Variants in DCHS1 observed in about 807,000 individuals in gnomAD.
The protein encoded by DCHS1 is protocadherin-16.
A neutral mutation model predicts 213.9 loss-of-function variants in DCHS1; 78 were observed. The observed-to-expected ratio is 0.36, with a 90% CI of 0.30 to 0.44. The LOEUF (loss-of-function observed/expected upper bound fraction) is 0.44, where lower values mean the gene tolerates loss of function less well. Ranked by LOEUF, DCHS1 falls within the 20% of genes least tolerant of loss-of-function variation. The probability of loss-of-function intolerance (pLI) is 1.00; values close to 1 mark genes in which losing one functional copy is unlikely to be tolerated. For synonymous variants in DCHS1, 1,828 were observed against 1,873.7 expected (o/e 0.98, Z 0.63); for missense variants, 3,946 against 4,395.9 (o/e 0.90, Z 2.89).
At position 6,624,868 on chromosome 11, in the gene DCHS1, C is replaced by A. The variant is rs749959353; in HGVS notation, c.7147G>T (p.Val2383Leu). Reference sequence around the variant, plus strand: ...GGGGGTGTGTGCTCAAGCAGCATTACCTGAAGTGTGAGGAAAAGTGCTTAT... The same window carrying A: ...GGGGGTGTGTGCTCAAGCAGCATTAACTGAAGTGTGAGGAAAAGTGCTTAT... ...APAFSQSLYQ[V>L]MLLEHTPPGS... The change falls in exon 20 of 21, where the codon GTA (valine) becomes TTA (leucine). Residue 2383 changes from valine (V) to leucine (L), a missense_variant and splice_region_variant. Coordinates refer to ENST00000299441, the MANE Select transcript of DCHS1 (RefSeq NM_003737.4). 1.2e-6 allele frequency: 2 copies of A among 1,613,758 alleles called. No individual in the cohort carries two copies. The highest frequency in any genetic ancestry group is 8.5e-7 in the Non-Finnish European group (1 of 1,179,818).
chr11:6,630,463 G>C lies in DCHS1; in HGVS notation c.4331C>G (p.Ala1444Gly). The C allele has an allele frequency of 6.6e-7, 1 of 1,521,318 alleles. No homozygotes were observed. Among genetic ancestry groups the C allele is most frequent in the Non-Finnish European group, 8.8e-7 (1 of 1,140,034 alleles). The allele number at this position is 1,521,318 out of a possible 1,614,324, so 94.2% of individuals were successfully genotyped here. Reference sequence around the variant, plus strand: ...GCCGGGCTCCGGGTTCTCTGGCAGCGCCAGCGCCAGCGGGTCGCGCGCAAA... The same window carrying C: ...GCCGGGCTCCGGGTTCTCTGGCAGCCCCAGCGCCAGCGGGTCGCGCGCAAA... ...PAFARDPLALALPENPEPGAA... is the reference protein window; with the variant it reads ...PAFARDPLALGLPENPEPGAA... The change falls in exon 10 of 21, where the codon GCG (alanine) becomes GGG (glycine). Residue 1444 changes from alanine (A) to glycine (G), a missense_variant. Coordinates refer to ENST00000299441, the MANE Select transcript of DCHS1 (RefSeq NM_003737.4).
At chr11:6,655,281 C>A (rs73397294) in intron 1 of DCHS1, among the ~76,000 whole-genome samples, 239 of 152,184 alleles carry the variant, frequency 1.6e-3, no homozygotes, top group African/African-American at 5.6e-3. Context: ...TGACACACTC[C>A]GACGATGCAC....
chr11:6,623,445 C>T lies in DCHS1; in HGVS notation c.8231G>A (p.Ser2744Asn), dbSNP rs373867079. The change falls in exon 21 of 21, where the codon AGC becomes AAC. Residue 2744 changes from serine (S) to asparagine (N), a missense_variant. Physicochemically the swap from Ser to Asn is conservative, Grantham distance 46. This residue lies in a region of DCHS1 where 3,384 missense variants were observed against 3,780.1 expected (regional missense o/e 0.90). Coordinates refer to ENST00000299441, the MANE Select transcript of DCHS1 (RefSeq NM_003737.4). ...DAGAFGRLRYSLLEAGPGPEG... is the reference protein window; with the variant it reads ...DAGAFGRLRYNLLEAGPGPEG... ...AGGTCCTGGCCCAGCCTCCAACAGG[C>T]TGTAACGGAGCCTCCCAAAAGCCCC... 9 of 1,581,816 alleles carry T rather than the reference C, an allele frequency of 5.7e-6. No homozygotes were observed. Among genetic ancestry groups the T allele is most frequent in the African/African-American group, 4.1e-5 (3 of 74,036 alleles).
chr11:6,625,214 G>A lies in DCHS1; in HGVS notation c.7130C>T (p.Ser2377Leu). The A allele has an allele frequency of 1.3e-6, 2 of 1,597,694 alleles. No individual in the cohort carries two copies. The highest frequency in any genetic ancestry group is 1.7e-6 in the Non-Finnish European group (2 of 1,170,644). ...EDVNDNAPAF[S>L]QSLYQVMLLE... The stretch of plus-strand genomic sequence containing the variant: ...TGTCAATACCTGGTAGAGGCTCTGT[G>A]AGAAGGCAGGTGCATTGTCATTGAC... Residue 2377 changes from serine to leucine, a missense_variant, in exon 19 of 21, where the codon TCA becomes TTA. By Grantham distance (145) the Ser-to-Leu change is moderately radical. Coordinates refer to ENST00000299441, the MANE Select transcript of DCHS1 (RefSeq NM_003737.4). The surrounding 1 kb of genome is among the most constrained non-coding windows in gnomAD (Gnocchi z 5.3).
Position 6,628,471 on chromosome 11 carries a change from C to T in DCHS1, c.5371+150G>A. 2 of 748,108 alleles carry T rather than the reference C, an allele frequency of 2.7e-6. No homozygotes were observed. Among genetic ancestry groups the T allele is most frequent in the South Asian group, 3.5e-5 (2 of 57,332 alleles). 46.3% of individuals were successfully genotyped at this position (748,108 alleles called of 1,614,324 possible). On this transcript the variant is annotated intron_variant, in intron 13 of 20. Coordinates refer to ENST00000299441, the MANE Select transcript of DCHS1 (RefSeq NM_003737.4). The surrounding 1 kb of genome is among the most constrained non-coding windows in gnomAD (Gnocchi z 4.3). ...AAAGAGCATGGAATGAGATACCTAG[C>T]TACACTGGGTATAAGCATGAAAGAA...
At position 6,633,599 on chromosome 11, in the gene DCHS1, C is replaced by T; in HGVS notation, c.2268G>A (p.Val756=). The part of the protein sequence containing the change: ...WPLARRANSV[V]QLEIGAEDGG... ...CGTCCTCAGCCCCGATCTCCAGCTG[C>T]ACCACAGAATTGGCCCGTCTGGCCA... Residue 756 remains valine (V), a synonymous_variant, in exon 5 of 21, where the codon GTG becomes GTA. Transcript: ENST00000299441. The T allele has an allele frequency of 6.3e-7, 1 of 1,598,912 alleles. No homozygotes were observed. The highest frequency in any genetic ancestry group is 1.7e-5 in the Admixed American group (1 of 57,596).
Position 6,630,301 on chromosome 11 carries a change from G to A in DCHS1, c.4493C>T (p.Pro1498Leu), listed in dbSNP as rs1855879869. The A allele has an allele frequency of 6.8e-7, 1 of 1,462,508 alleles. No homozygotes were observed. The highest frequency in any genetic ancestry group is 9.0e-7 in the Non-Finnish European group (1 of 1,112,220). 90.6% of individuals were successfully genotyped at this position (1,462,508 alleles called of 1,614,324 possible). ...LDARTGALSA[P>L]RGLDRETTPA... ...AGTGGTCTCTCGGTCCAGGCCGCGCGGAGCGCTGAGCGCCCCGGTGCGCGC... is the reference window on the plus strand; with the variant it reads ...AGTGGTCTCTCGGTCCAGGCCGCGCAGAGCGCTGAGCGCCCCGGTGCGCGC... The change falls in exon 10 of 21, where the codon CCG becomes CTG. Residue 1498 changes from proline (P) to leucine (L), a missense_variant. Pro to Leu is a moderately conservative substitution (Grantham distance 98). Around this residue, in one of 3 missense-constraint regions of DCHS1, gnomAD observed 3,384 missense variants for 3,780.1 expected, o/e 0.90. Coordinates refer to ENST00000299441, the MANE Select transcript of DCHS1 (RefSeq NM_003737.4).
At position 6,621,373 on chromosome 11, in the gene DCHS1, T is replaced by C; in HGVS notation, c.*406A>G. 1 of 329,754 alleles carries C rather than the reference T, an allele frequency of 3.0e-6. No individual in the cohort carries two copies. Among genetic ancestry groups the C allele is most frequent in the East Asian group, 7.6e-5 (1 of 13,122 alleles). The allele number at this position is 329,754 out of a possible 1,614,324, so 20.4% of individuals were successfully genotyped here. A position where few individuals can be genotyped will look rare whatever the true frequency, so the allele number is the denominator to read the frequency against. ...AAGGCTCCAGAGTGAGAAATGGCACTTGGTTCTGGGCAGGGGCAGGGGCAG... is the reference window on the plus strand; with the variant it reads ...AAGGCTCCAGAGTGAGAAATGGCACCTGGTTCTGGGCAGGGGCAGGGGCAG... On this transcript the variant is annotated 3_prime_UTR_variant, in exon 21 of 21. Coordinates refer to ENST00000299441, the MANE Select transcript of DCHS1 (RefSeq NM_003737.4).
rs1250912489 is a variant in DCHS1, at chr11:6,630,270, C to A, written c.4524G>T (p.Ala1508=). 1 of 1,533,846 alleles carries A rather than the reference C, an allele frequency of 6.5e-7. No individual in the cohort carries two copies. The highest frequency in any genetic ancestry group is 8.7e-7 in the Non-Finnish European group (1 of 1,143,530). ...CGGTGGCTTCCACCAGCAGCAGCAG[C>A]GCGGGAGTGGTCTCTCGGTCCAGGC... ...PRGLDRETTP[A]LLLLVEATDR... The change falls in exon 10 of 21, where the codon GCG becomes GCT. Residue 1508 remains alanine (A), a synonymous_variant. Transcript: ENST00000299441.
intron 1 of DCHS1, among the ~76,000 whole-genome samples, chr11:6,650,013 C>T (rs975411890): frequency 1.3e-5 from 2 of 152,154 alleles, no homozygotes; most frequent in African/African-American, 4.8e-5. Flanking sequence ...ATACTGCTAC[C>T]TCCATTTTCA....
In DCHS1 at chr11:6,643,100, G is replaced by A. The variant is rs558390555; in HGVS notation, c.-120-1367C>T. On this transcript the variant is annotated intron_variant, in intron 1 of 20. Coordinates refer to ENST00000299441, the MANE Select transcript of DCHS1 (RefSeq NM_003737.4). ...TAACCGCTCAGAAAGAAAAAGAGGC[G>A]GGGCAAGGAACCAGAGAGGGGTGGT... Among the ~76,000 whole-genome samples, 27 of 152,202 alleles carry A rather than the reference G, an allele frequency of 1.8e-4. No individual in the cohort carries two copies. The East Asian group carries it at 2.9e-3, about 16-fold the overall frequency.
At chr11:6,653,990 A>C (rs1467205440) in intron 1 of DCHS1, among the ~76,000 whole-genome samples, 1 of 152,120 alleles carries the variant, frequency 6.6e-6, no homozygotes, top group African/African-American at 2.4e-5. Flanking sequence ...CCTGGGAGGG[A>C]GGAAGGTAAC....
chr11:6,624,660 T>C (rs1855764472), intron 20 of DCHS1, 70 bp downstream of exon 20: 3 of 1,597,158 alleles, frequency 1.9e-6, no homozygotes, highest in Non-Finnish European at 2.6e-6. Flanking sequence ...GAGTAACAAA[T>C]TCAAGGAATG....
At chr11:6,637,060 G>A (rs886431163) in intron 2 of DCHS1, among the ~76,000 whole-genome samples, 1 of 152,152 alleles carries the variant, frequency 6.6e-6, no homozygotes, top group South Asian at 2.1e-4. Flanking sequence ...CAGGGATTAA[G>A]TAAGTCCTCA....
rs547827281 is a variant in DCHS1, at chr11:6,631,779, C to A, written c.3512G>T (p.Arg1171Leu). 1.9e-6 allele frequency: 3 copies of A among 1,566,226 alleles called. No individual in the cohort carries two copies. Among genetic ancestry groups the A allele is most frequent in the East Asian group, 2.3e-5 (1 of 44,430 alleles). The change falls in exon 7 of 21, where the codon CGT becomes CTT. Residue 1171 changes from arginine (R) to leucine (L), a missense_variant. Arg to Leu is a moderately radical substitution (Grantham distance 102). Around this residue, in one of 3 missense-constraint regions of DCHS1, gnomAD observed 3,384 missense variants for 3,780.1 expected, o/e 0.90. Transcript: ENST00000299441. ...GAGCTGATAGCTGCTCTGCTGCTCA[C>A]GGTCCAGGGTTTGGAGTGTGGTCAC... is the stretch of plus-strand genomic sequence containing the variant. The part of the protein sequence containing the change: ...GEVTTLQTLD[R>L]EQQSSYQLLV...
At chr11:6,642,476 T>G (rs982399186) in intron 1 of DCHS1, among the ~76,000 whole-genome samples, 2 of 152,010 alleles carry the variant, frequency 1.3e-5, no homozygotes, top group African/African-American at 4.8e-5. Context: ...GGAAGTGACA[T>G]TAAAGTTGAC....
chr11:6,622,237 G>A lies in DCHS1; in HGVS notation c.9439C>T (p.Leu3147=), dbSNP rs1371405892. The A allele has an allele frequency of 6.2e-7, 1 of 1,600,970 alleles. No homozygotes were observed. The highest frequency in any genetic ancestry group is 1.1e-5 in the South Asian group (1 of 89,512). Residue 3147 remains leucine (L), a synonymous_variant, in exon 21 of 21, where the codon CTG becomes TTG. Coordinates refer to ENST00000299441, the MANE Select transcript of DCHS1 (RefSeq NM_003737.4). The surrounding 1 kb of genome is among the most constrained non-coding windows in gnomAD (Gnocchi z 5.4). The part of the protein sequence containing the change: ...ADGKPCVAGA[L]TAIVAGEEEL... ...TCCTCGCCGGCCACAATGGCTGTCA[G>A]CGCACCTGCCACACATGGCTTGCCA... is the stretch of plus-strand genomic sequence containing the variant.
rs753729735 is a variant in DCHS1 at position 6,623,323 on chromosome 11, C to A, written c.8353G>T (p.Val2785Leu). 2.5e-6 allele frequency: 4 copies of A among 1,592,980 alleles called. No homozygotes were observed. The highest frequency in any genetic ancestry group is 3.4e-6 in the Non-Finnish European group (4 of 1,169,722). The part of the protein sequence containing the change: ...YEHTESFRLL[V>L]GAADAGNLSA... ...AGATTCCCAGCATCAGCAGCACCCA[C>A]CAGCAGCCGGAAGCTTTCTGTGTGC... The change falls in exon 21 of 21, where the codon GTG (valine) becomes TTG (leucine). Residue 2785 changes from valine (V) to leucine (L), a missense_variant. By Grantham distance (32) the Val-to-Leu change is conservative (BLOSUM62 1). Coordinates refer to ENST00000299441, the MANE Select transcript of DCHS1 (RefSeq NM_003737.4).
At position 6,641,849 on chromosome 11, in the gene DCHS1, T is replaced by TGCCTCACACTCATCTTGGGCC; in HGVS notation, c.-120-137_-120-117dup. 1 of 877,094 alleles carries TGCCTCACACTCATCTTGGGCC rather than the reference T, an allele frequency of 1.1e-6. No individual in the cohort carries two copies. The highest frequency in any genetic ancestry group is 1.7e-5 in the African/African-American group (1 of 59,178). The allele number at this position is 877,094 out of a possible 1,614,324, so 54.3% of individuals were successfully genotyped here. ...CTCAGCCCCCAGCAGGCCCTTGTGC[T>TGCCTCACACTCATCTTGGGCC]GCCTCACACTCATCTTGGGCCACAC... On this transcript the variant is annotated intron_variant, in intron 1 of 20. Coordinates refer to ENST00000299441, the MANE Select transcript of DCHS1 (RefSeq NM_003737.4). The surrounding 1 kb of genome is among the most constrained non-coding windows in gnomAD (Gnocchi z 7.1).
Sources: allele counts gnomAD v4.1 joint callset (sites outside exome capture counted in the v4.1 genomes callset), GRCh38; gene constraint gnomAD v4.1.1; regional missense constraint gnomAD v4.1.1; non-coding constraint Gnocchi (gnomAD v3.1); transcripts MANE v1.5; gene names NCBI Gene and HGNC (gene_info 2026-07-23, HGNC 2026-07-21).